Variants in PPP6R3 observed in about 807,000 individuals in gnomAD.
PPP6R3 encodes protein phosphatase 6 regulatory subunit 3.
PPP6R3 carries 38 observed loss-of-function variants against 110.7 expected under a neutral mutation model. The observed-to-expected ratio is 0.34, with a 90% CI of 0.26 to 0.45. The LOEUF is 0.45. Ranked by LOEUF, PPP6R3 falls within the 20% of genes least tolerant of loss-of-function variation. The probability of loss-of-function intolerance (pLI) is 1.00; values close to 1 mark genes in which losing one functional copy is unlikely to be tolerated. For missense variants in PPP6R3, 870 were observed against 1,062.4 expected (o/e 0.82, Z 2.52); for synonymous variants, 369 against 373.5 (o/e 0.99, Z 0.14).
Position 68,556,419 on chromosome 11 carries a change from A to C in PPP6R3, c.732-2147A>C, listed in dbSNP as rs191757007. Reference sequence around the variant, plus strand: ...TTTGAAGTTCAAAAATTTTTTAAAAACAGTTATGTTAGAATAGACTCTGTA... The same window carrying C: ...TTTGAAGTTCAAAAATTTTTTAAAACCAGTTATGTTAGAATAGACTCTGTA... On this transcript the variant is annotated intron_variant, in intron 7 of 23. Transcript: ENST00000393800. 3.6e-3 allele frequency among the ~76,000 whole-genome samples: 548 copies of C among 152,180 alleles called. 3 individuals are homozygous for C. The highest frequency in any genetic ancestry group is 0.012 in the African/African-American group (513 of 41,528).
intron 1 of PPP6R3, among the ~76,000 whole-genome samples, chr11:68,478,738 A>C (rs564911098): frequency 5.4e-5 from 7 of 130,306 alleles, no homozygotes; most frequent in Admixed American, 4.0e-4. Flanking sequence ...GCTTACTGCA[A>C]CCTCCGCCTC....
chr11:68,610,302 G>T (rs560972860), intron 23 of PPP6R3, among the ~76,000 whole-genome samples: 1 of 152,210 alleles, frequency 6.6e-6, no homozygotes, highest in African/African-American at 2.4e-5. Flanking sequence ...CGAACAGAGG[G>T]GTCTCCTCAC....
chr11:68,613,134 C>T lies in PPP6R3; in HGVS notation c.*17C>T, dbSNP rs754481243. On this transcript the variant is annotated 3_prime_UTR_variant, in exon 24 of 24. Coordinates refer to ENST00000393800, the MANE Select transcript of PPP6R3 (RefSeq NM_001164161.2). ...CCTGTATGACGGGTGACGTCTGCTG[C>T]TGCTGACTGAGGACTGCAGACCGCC... The T allele has an allele frequency of 8.1e-6, 13 of 1,613,934 alleles. No homozygotes were observed. In the East Asian group the frequency reaches 2.9e-4, roughly 36 times the overall value.
At chr11:68,517,246 C>T (rs2099141706) in intron 1 of PPP6R3, among the ~76,000 whole-genome samples, 1 of 151,570 alleles carries the variant, frequency 6.6e-6, no homozygotes. Flanking sequence ...TGTTTTGCTG[C>T]TTTTTATGGT....
intron 1 of PPP6R3, among the ~76,000 whole-genome samples, chr11:68,485,903 C>T (rs529754126): frequency 1.3e-4 from 19 of 151,916 alleles, no homozygotes; most frequent in Non-Finnish European, 2.5e-4. Context: ...GGCACAGTGG[C>T]TCACACCTGT....
chr11:68,557,419 A>G (rs949524878), intron 7 of PPP6R3, among the ~76,000 whole-genome samples: 2 of 152,246 alleles, frequency 1.3e-5, no homozygotes, highest in Admixed American at 1.3e-4. Context: ...GAACACAGCT[A>G]TACCTTGGGA....
At chr11:68,496,350 C>T (rs2099015816) in intron 1 of PPP6R3, among the ~76,000 whole-genome samples, 1 of 151,930 alleles carries the variant, frequency 6.6e-6, no homozygotes, top group South Asian at 2.1e-4. Context: ...CCCATCCCTC[C>T]TTCCTTTTTG....
At chr11:68,511,419 C>T (rs1013222441) in intron 1 of PPP6R3, among the ~76,000 whole-genome samples, 1 of 150,588 alleles carries the variant, frequency 6.6e-6, no homozygotes, top group Admixed American at 6.6e-5. Flanking sequence ...CTTTCCTTTC[C>T]TAAACAACTT....
intron 7 of PPP6R3, 97 bp downstream of exon 7, chr11:68,554,354 CAT>C (rs1461119624): frequency 1.1e-6 from 1 of 899,042 alleles, no homozygotes. Context: ...ATGTGGGAAT[CAT>C]GTGCCTTGAA....
In PPP6R3 at chr11:68,614,441, A is replaced by T; in HGVS notation, c.*1324A>T. Reference sequence around the variant, plus strand: ...TTTTTCATTTCTGTAATAGAAAATTATTCACGTATTTTTACATCATTTGTT... The same window carrying T: ...TTTTTCATTTCTGTAATAGAAAATTTTTCACGTATTTTTACATCATTTGTT... On this transcript the variant is annotated 3_prime_UTR_variant, in exon 24 of 24. Transcript: ENST00000393800. The T allele has an allele frequency of 9.7e-6, 13 of 1,341,030 alleles. No individual in the cohort carries two copies. Among genetic ancestry groups the T allele is most frequent in the Non-Finnish European group, 1.2e-5 (13 of 1,050,310 alleles). 83.1% of individuals were successfully genotyped at this position (1,341,030 alleles called of 1,614,324 possible).
At position 68,583,501 on chromosome 11, in the gene PPP6R3, G is replaced by A. The variant is rs575616331; in HGVS notation, c.1632+372G>A. Among the ~76,000 whole-genome samples the A allele has an allele frequency of 7.1e-4, 108 of 152,254 alleles. No homozygotes were observed. In the Middle Eastern group the frequency reaches 0.01, roughly 14 times the overall value. On this transcript the variant is annotated intron_variant, in intron 15 of 23. Coordinates refer to ENST00000393800, the MANE Select transcript of PPP6R3 (RefSeq NM_001164161.2). ...CTGGTAAAAATAATAGAAATAAGAC[G>A]TTTAAAATGTAAGTAAAAGTAAACT...
In PPP6R3 at chr11:68,613,593, T is replaced by C; in HGVS notation, c.*476T>C. 9.1e-6 allele frequency: 9 copies of C among 986,044 alleles called. No individual in the cohort carries two copies. The highest frequency in any genetic ancestry group is 1.1e-5 in the Non-Finnish European group (9 of 830,128). 61.1% of individuals were successfully genotyped at this position (986,044 alleles called of 1,614,324 possible). A position where few individuals can be genotyped will look rare whatever the true frequency, so the allele number is the denominator to read the frequency against. ...TCCAGGCCGACAAGGAGTTGTAGAA[T>C]GAAAATGCCCTCTAAGTGTTATTTT... On this transcript the variant is annotated 3_prime_UTR_variant, in exon 24 of 24. Coordinates refer to ENST00000393800, the MANE Select transcript of PPP6R3 (RefSeq NM_001164161.2).
intron 1 of PPP6R3, among the ~76,000 whole-genome samples, chr11:68,493,649 CA>C (rs2098997699): frequency 2.8e-5 from 4 of 143,212 alleles, no homozygotes; most frequent in Non-Finnish European, 4.6e-5. Flanking sequence ...AATATATATA[CA>C]AAAAAATACA....
chr11:68,614,822 C>G lies in PPP6R3; in HGVS notation c.*1705C>G, dbSNP rs1378036661. On this transcript the variant is annotated 3_prime_UTR_variant, in exon 24 of 24. Coordinates refer to ENST00000393800, the MANE Select transcript of PPP6R3 (RefSeq NM_001164161.2). Reference sequence around the variant, plus strand: ...CCCCCAGAGGACAGGGCTCCTCCTGCTTGCCTCAGGGCTGCCTGACTTGAA... The same window carrying G: ...CCCCCAGAGGACAGGGCTCCTCCTGGTTGCCTCAGGGCTGCCTGACTTGAA... The G allele has an allele frequency of 7.1e-7, 1 of 1,409,802 alleles. No individual in the cohort carries two copies. Among genetic ancestry groups the G allele is most frequent in the Non-Finnish European group, 9.8e-7 (1 of 1,024,028 alleles). 87.3% of individuals were successfully genotyped at this position (1,409,802 alleles called of 1,614,324 possible).
At chr11:68,521,487 C>T (rs1282100586) in intron 2 of PPP6R3, among the ~76,000 whole-genome samples, 1 of 152,168 alleles carries the variant, frequency 6.6e-6, no homozygotes, top group Non-Finnish European at 1.5e-5. Flanking sequence ...TCCTCCTCCT[C>T]CTCCTTTTAC....
intron 2 of PPP6R3, among the ~76,000 whole-genome samples, chr11:68,530,955 GT>G (rs1220826013): frequency 2.0e-5 from 3 of 152,096 alleles, no homozygotes; most frequent in African/African-American, 7.2e-5. Context: ...ATCACCAGTA[GT>G]TTCTTTCTTC....
At chr11:68,591,468 C>T in intron 17 of PPP6R3, 108 bp from the exon 18 acceptor site, 1 of 1,024,614 alleles carries the variant, frequency 9.8e-7, no homozygotes, top group Non-Finnish European at 1.4e-6. Context: ...GTGATAGGCA[C>T]CATATTGTAA....
At chr11:68,600,106 A>T (rs2099627008) in intron 19 of PPP6R3, among the ~76,000 whole-genome samples, 1 of 152,158 alleles carries the variant, frequency 6.6e-6, no homozygotes, top group Non-Finnish European at 1.5e-5. Context: ...TGGGCGACAG[A>T]GCGAGACTCC....
chr11:68,556,259 T>C (rs889046818), intron 7 of PPP6R3, among the ~76,000 whole-genome samples: 7 of 152,066 alleles, frequency 4.6e-5, no homozygotes, highest in African/African-American at 1.7e-4. Flanking sequence ...TGAAATGAGC[T>C]AAGGTTAAAG....
Sources: gnomAD v4.1 joint callset for allele counts (sites outside exome capture counted in the v4.1 genomes callset) on GRCh38, gnomAD v4.1.1 for gene constraint, MANE v1.5 for transcripts, NCBI Gene and HGNC (gene_info 2026-07-23, HGNC 2026-07-21) for gene names.